The following DUSP5 variants were observed in gnomAD, a reference collection of about 807,000 sequenced individuals.
The protein encoded by DUSP5 is dual specificity phosphatase 5.
Under a neutral mutation model 33.6 loss-of-function variants are expected in DUSP5, and 22 were observed. The observed-to-expected ratio is 0.66, with a 90% CI of 0.47 to 0.94. The LOEUF is 0.94. DUSP5 is among the 40% of genes least tolerant of loss of function. DUSP5 has a pLI of 0.00. For missense variants in DUSP5, 551 were observed against 522.1 expected, an observed-to-expected ratio of 1.06 and a Z score of -0.54; for synonymous variants, 270 against 231.1, an observed-to-expected ratio of 1.17 and a Z score of -1.53.
Position 110,510,177 on chromosome 10 carries a change from C to T in DUSP5, c.906C>T (p.Pro302=). The T allele has an allele frequency of 1.9e-6, 3 of 1,614,224 alleles. No homozygotes were observed. Among genetic ancestry groups the T allele is most frequent in the East Asian group, 2.2e-5 (1 of 44,872 alleles). The change falls in exon 4 of 4, where the codon CCC becomes CCT. Residue 302 remains proline, a synonymous_variant. Transcript: ENST00000369583. ...YIKQRRSMVS[P]NFGFMGQLLQ... Reference sequence around the variant, plus strand: ...AGCAGAGGAGGAGCATGGTCTCGCCCAACTTTGGCTTCATGGGCCAGCTCC... The same window carrying T: ...AGCAGAGGAGGAGCATGGTCTCGCCTAACTTTGGCTTCATGGGCCAGCTCC...
At position 110,498,407 on chromosome 10, in the gene DUSP5, T is replaced by C. The variant is rs1859990504; in HGVS notation, c.286T>C (p.Trp96Arg). The change falls in exon 1 of 4, where the codon TGG (tryptophan) becomes CGG (arginine). Residue 96 changes from tryptophan to arginine, a missense_variant. Physicochemically the swap from Trp to Arg is moderately radical, Grantham distance 101. Transcript: ENST00000369583. Reference sequence around the variant, plus strand: ...GGTGCTGGACCAGGGCAGCCGCCACTGGCAGAAGCTGCGAGAGGAGAGCGC... The same window carrying C: ...GGTGCTGGACCAGGGCAGCCGCCACCGGCAGAAGCTGCGAGAGGAGAGCGC... ...VVVLDQGSRH[W>R]QKLREESAAR... 1.3e-6 allele frequency: 2 copies of C among 1,520,646 alleles called. No individual in the cohort carries two copies. The highest frequency in any genetic ancestry group is 1.4e-5 in the African/African-American group (1 of 70,138). 94.2% of individuals were successfully genotyped at this position (1,520,646 alleles called of 1,614,324 possible).
chr10:110,508,172 G>A (rs1860141789), intron 3 of DUSP5, among the ~76,000 whole-genome samples: 1 of 152,108 alleles, frequency 6.6e-6, no homozygotes, highest in Non-Finnish European at 1.5e-5. Flanking sequence ...AAACCCTGAC[G>A]AGAAACTCAT....
chr10:110,498,334 G>A lies in DUSP5; in HGVS notation c.213G>A (p.Ala71=). 7.5e-7 allele frequency: 1 copy of A among 1,338,438 alleles called. No homozygotes were observed. Among genetic ancestry groups the A allele is most frequent in the South Asian group, 2.0e-5 (1 of 49,866 alleles). The allele number at this position is 1,338,438 out of a possible 1,614,324, so 82.9% of individuals were successfully genotyped here. A position where few individuals can be genotyped will look rare whatever the true frequency, so the allele number is the denominator to read the frequency against. Residue 71 remains alanine, a synonymous_variant, in exon 1 of 4, where the codon GCG becomes GCA. Transcript: ENST00000369583. ...SARYVLPDEA[A]RARLLQEGGG... is the part of the protein sequence containing the mutation. The stretch of plus-strand genomic sequence containing the variant: ...GCTACGTGCTGCCCGACGAGGCGGC[G>A]CGCGCGCGGCTCCTGCAGGAGGGCG...
chr10:110,505,954 G>A (rs1312393924), intron 2 of DUSP5, among the ~76,000 whole-genome samples: 1 of 152,132 alleles, frequency 6.6e-6, no homozygotes, highest in Non-Finnish European at 1.5e-5. Flanking sequence ...GTGTGAAGAA[G>A]GTCAGAGGCG....
rs535916335 is a variant in DUSP5, at chr10:110,507,285, G to C, written c.748+131G>C. ...CTTGTATATGCCGCTGCTGAGAGTTGGAGCCAACATGGGATGCAGCTACCA... is the reference window on the plus strand; with the variant it reads ...CTTGTATATGCCGCTGCTGAGAGTTCGAGCCAACATGGGATGCAGCTACCA... On this transcript the variant is annotated intron_variant, in intron 3 of 3. Coordinates refer to ENST00000369583, the MANE Select transcript of DUSP5 (RefSeq NM_004419.4). 2.4e-5 allele frequency: 22 copies of C among 923,234 alleles called. No homozygotes were observed. In the South Asian group the frequency reaches 3.6e-4, roughly 15 times the overall value. The allele number at this position is 923,234 out of a possible 1,614,324, so 57.2% of individuals were successfully genotyped here. A position where few individuals can be genotyped will look rare whatever the true frequency, so the allele number is the denominator to read the frequency against.
rs1295877852 is a variant in DUSP5 at position 110,498,429 on chromosome 10, G to A, written c.308G>A (p.Ser103Asn). Residue 103 changes from serine to asparagine, a missense_variant, in exon 1 of 4, where the codon AGC (serine) becomes AAC (asparagine). Physicochemically the swap from Ser to Asn is conservative, Grantham distance 46. This residue lies in a region of DUSP5 where 381 missense variants were observed against 310.4 expected (regional missense o/e 1.23). Coordinates refer to ENST00000369583, the MANE Select transcript of DUSP5 (RefSeq NM_004419.4). ...CACTGGCAGAAGCTGCGAGAGGAGA[G>A]CGCCGCGCGTGTCGTCCTCACCTCG... Reference protein sequence around the residue: ...SRHWQKLREESAARVVLTSLL... With the variant: ...SRHWQKLREENAARVVLTSLL... 2.0e-6 allele frequency: 3 copies of A among 1,533,278 alleles called. No homozygotes were observed. In the African/African-American group the frequency reaches 4.3e-5, roughly 22 times the overall value. The allele number at this position is 1,533,278 out of a possible 1,614,324, so 95.0% of individuals were successfully genotyped here. A position where few individuals can be genotyped will look rare whatever the true frequency, so the allele number is the denominator to read the frequency against.
In DUSP5 at chr10:110,497,940, T is replaced by A. The variant is rs1397854726; in HGVS notation, c.-182T>A. ...GGGCGGCGAGCGGCCGGGCTGGCTA[T>A]CGAGCGAGCGGGGCGGGAACGCGGA... On this transcript the variant is annotated 5_prime_UTR_variant, in exon 1 of 4. Coordinates refer to ENST00000369583, the MANE Select transcript of DUSP5 (RefSeq NM_004419.4). 3.0e-6 allele frequency: 1 copy of A among 331,962 alleles called. No individual in the cohort carries two copies. The allele number at this position is 331,962 out of a possible 1,614,324, so 20.6% of individuals were successfully genotyped here. A position where few individuals can be genotyped will look rare whatever the true frequency, so the allele number is the denominator to read the frequency against.
chr10:110,502,394 A>G (rs1267902106), intron 1 of DUSP5, among the ~76,000 whole-genome samples: 2 of 152,222 alleles, frequency 1.3e-5, no homozygotes, highest in Admixed American at 1.3e-4. Context: ...CAAGAGAGAA[A>G]ATAGCCTTTG....
At position 110,502,224 on chromosome 10, in the gene DUSP5, G is replaced by A. The variant is rs111340532; in HGVS notation, c.380-497G>A. 3.3e-3 allele frequency among the ~76,000 whole-genome samples: 507 copies of A among 152,228 alleles called. 5 individuals carry two copies. Among genetic ancestry groups the A allele is most frequent in the African/African-American group, 0.012 (484 of 41,544 alleles). ...TGAGGCTGTTTTACTGCCCTGAGTCGAAATGAAACCTCGTATCAGCCCCCA... is the reference window on the plus strand; with the variant it reads ...TGAGGCTGTTTTACTGCCCTGAGTCAAAATGAAACCTCGTATCAGCCCCCA... On this transcript the variant is annotated intron_variant, in intron 1 of 3. Transcript: ENST00000369583.
intron 3 of DUSP5, among the ~76,000 whole-genome samples, chr10:110,509,700 T>A (rs780925902): frequency 4.6e-5 from 7 of 152,262 alleles, no homozygotes; most frequent in Non-Finnish European, 8.8e-5. Flanking sequence ...AGGAAGGGAC[T>A]GCTCCAGGTC....
chr10:110,501,121 A>C (rs1860042008), intron 1 of DUSP5, among the ~76,000 whole-genome samples: 1 of 152,184 alleles, frequency 6.6e-6, no homozygotes, highest in South Asian at 2.1e-4. Flanking sequence ...AGGTCCAGGC[A>C]CGGGAAGTGA....
At chr10:110,506,288 C>T (rs1334944) in intron 2 of DUSP5, among the ~76,000 whole-genome samples, 46,155 of 151,880 alleles carry the variant, frequency 0.3, 7,124 homozygotes, top group East Asian at 0.37. Flanking sequence ...TAAAATTAGC[C>T]AGGCATGGTG....
intron 2 of DUSP5, among the ~76,000 whole-genome samples, chr10:110,504,013 C>T (rs1860089318): frequency 6.6e-6 from 1 of 152,232 alleles, no homozygotes; most frequent in African/African-American, 2.4e-5. Context: ...TTAGCTTGTC[C>T]AGATGCCAGG....
chr10:110,498,106 C>T lies in DUSP5; in HGVS notation c.-16C>T, dbSNP rs760667810. 9 of 1,276,374 alleles carry T rather than the reference C, an allele frequency of 7.1e-6. No individual in the cohort carries two copies. In the East Asian group the frequency reaches 3.5e-4, roughly 49 times the overall value. 79.1% of individuals were successfully genotyped at this position (1,276,374 alleles called of 1,614,324 possible). On this transcript the variant is annotated 5_prime_UTR_variant, in exon 1 of 4. Coordinates refer to ENST00000369583, the MANE Select transcript of DUSP5 (RefSeq NM_004419.4). ...GGGCGCGCGGCGCGGGGCCGCTGGC[C>T]GGCGGCGGCGGCGGCATGAAGGTCA...
In DUSP5 at chr10:110,497,979, T is replaced by G; in HGVS notation, c.-143T>G. 2.0e-5 allele frequency: 11 copies of G among 563,444 alleles called. No homozygotes were observed. The highest frequency in any genetic ancestry group is 2.2e-5 in the Non-Finnish European group (10 of 445,994). 34.9% of individuals were successfully genotyped at this position (563,444 alleles called of 1,614,324 possible). A position where few individuals can be genotyped will look rare whatever the true frequency, so the allele number is the denominator to read the frequency against. Reference sequence around the variant, plus strand: ...CGGGAACGCGGAGTTGCGCCGCCGCTCGGGCGCCGGGCTCCGTCGCGGCCG... The same window carrying G: ...CGGGAACGCGGAGTTGCGCCGCCGCGCGGGCGCCGGGCTCCGTCGCGGCCG... On this transcript the variant is annotated 5_prime_UTR_variant, in exon 1 of 4. Coordinates refer to ENST00000369583, the MANE Select transcript of DUSP5 (RefSeq NM_004419.4).
rs1456172854 is a variant in DUSP5, at chr10:110,498,392, C to G, written c.271C>G (p.Gln91Glu). Reference sequence around the variant, plus strand: ...CGTCGCGGCCGTGGTGGTGCTGGACCAGGGCAGCCGCCACTGGCAGAAGCT... The same window carrying G: ...CGTCGCGGCCGTGGTGGTGCTGGACGAGGGCAGCCGCCACTGGCAGAAGCT... ...GGVAAVVVLD[Q>E]GSRHWQKLRE... Residue 91 changes from glutamine (Q) to glutamate (E), a missense_variant, in exon 1 of 4, where the codon CAG becomes GAG. Gln to Glu is a conservative substitution (Grantham distance 29). Coordinates refer to ENST00000369583, the MANE Select transcript of DUSP5 (RefSeq NM_004419.4). 1.3e-6 allele frequency: 2 copies of G among 1,492,898 alleles called. No individual in the cohort carries two copies. The highest frequency in any genetic ancestry group is 1.8e-6 in the Non-Finnish European group (2 of 1,127,124). The allele number at this position is 1,492,898 out of a possible 1,614,324, so 92.5% of individuals were successfully genotyped here.
In DUSP5 at chr10:110,507,111, G is replaced by A. The variant is rs1420193639; in HGVS notation, c.705G>A (p.Thr235=). The A allele has an allele frequency of 8.1e-6, 13 of 1,613,940 alleles. No homozygotes were observed. In the Admixed American group the frequency reaches 1.7e-4, roughly 21 times the overall value. ...GGATCCCTGTGGAAGACAGCCACACGGCTGACATTAGCTCCCACTTTCAAG... is the reference window on the plus strand; with the variant it reads ...GGATCCCTGTGGAAGACAGCCACACAGCTGACATTAGCTCCCACTTTCAAG... ...YKWIPVEDSH[T]ADISSHFQEA... Residue 235 remains threonine (T), a synonymous_variant, in exon 3 of 4, where the codon ACG becomes ACA. Coordinates refer to ENST00000369583, the MANE Select transcript of DUSP5 (RefSeq NM_004419.4).
chr10:110,504,863 C>T (rs1860099124), intron 2 of DUSP5, among the ~76,000 whole-genome samples: 3 of 152,200 alleles, frequency 2.0e-5, no homozygotes, highest in Admixed American at 6.5e-5. Context: ...TACCAATTAT[C>T]CAGAGAGGAT....
At chr10:110,505,727 C>T (rs1011360387) in intron 2 of DUSP5, among the ~76,000 whole-genome samples, 8 of 152,234 alleles carry the variant, frequency 5.3e-5, no homozygotes, top group African/African-American at 9.6e-5. Context: ...CTCTCAGTCT[C>T]TAAGGGCTCC....
Sources: allele counts gnomAD v4.1 joint callset (sites outside exome capture counted in the v4.1 genomes callset), GRCh38; gene constraint gnomAD v4.1.1; regional missense constraint gnomAD v4.1.1; transcripts MANE v1.5; gene names NCBI Gene and HGNC (gene_info 2026-07-23, HGNC 2026-07-21).